The following USP34 variants were observed in gnomAD, a reference collection of about 807,000 sequenced individuals.
USP34 encodes the protein ubiquitin carboxyl-terminal hydrolase 34.
USP34 carries 70 observed loss-of-function variants against 460.3 expected under a neutral mutation model. That is an observed-to-expected ratio of 0.15 (90% CI 0.13 to 0.19). The LOEUF (loss-of-function observed/expected upper bound fraction) is 0.19. USP34 is among the 10% of genes least tolerant of loss of function. The pLI is 1.00. For synonymous variants in USP34, 1,647 were observed against 1,405.3 expected (o/e 1.17, Z -3.85); for missense variants, 3,985 against 4,236.2 (o/e 0.94, Z 1.65).
At chr2:61,270,528 C>T (rs1689180799) in intron 41 of USP34, among the ~76,000 whole-genome samples, 2 of 152,196 alleles carry the variant, frequency 1.3e-5, no homozygotes, top group African/African-American at 4.8e-5. Context: ...CTCCACCTCC[C>T]TGGTTCAAGG....
At chr2:61,213,239 T>G (rs931581530) in intron 68 of USP34, among the ~76,000 whole-genome samples, 1 of 152,190 alleles carries the variant, frequency 6.6e-6, no homozygotes, top group African/African-American at 2.4e-5. Flanking sequence ...GGTCTTGAAC[T>G]GCTGGGCTCG....
chr2:61,417,245 C>T, intron 2 of USP34: 1 of 1,354,828 alleles, frequency 7.4e-7, no homozygotes, highest in Non-Finnish European at 1.0e-6. Context: ...ATCTGAAAGG[C>T]CTGTCTCCAA....
intron 48 of USP34, chr2:61,250,167 A>G (rs1688537210): frequency 6.3e-6 from 1 of 158,222 alleles, no homozygotes; most frequent in African/African-American, 2.4e-5. Flanking sequence ...GGAGGGAGCC[A>G]AGATCACACC....
intron 78 of USP34, 43 bp downstream of exon 78, chr2:61,190,228 G>T (rs1362906357): frequency 1.9e-6 from 3 of 1,554,448 alleles, no homozygotes; most frequent in East Asian, 4.5e-5. Flanking sequence ...TTAACTGAAG[G>T]ACAGTTTAAA....
At chr2:61,456,589 G>C (rs566538504) in intron 1 of USP34, among the ~76,000 whole-genome samples, 1 of 152,238 alleles carries the variant, frequency 6.6e-6, no homozygotes, top group South Asian at 2.1e-4. Context: ...AGCCAAAGTA[G>C]GGAGATCACT....
chr2:61,257,358 TA>T lies in USP34; in HGVS notation c.5845-9del. 3 of 1,559,464 alleles carry T rather than the reference TA, an allele frequency of 1.9e-6. No homozygotes were observed. The highest frequency in any genetic ancestry group is 2.0e-5 in the Admixed American group (1 of 50,876). The stretch of plus-strand genomic sequence containing the variant: ...TGCTTTGCATTCACTCTCCTGCAAA[TA>T]AAAAGGGGAACATTCTAAGTGTCAG... On this transcript the variant is annotated splice_polypyrimidine_tract_variant and intron_variant, in intron 44 of 79. Transcript: ENST00000398571.
At chr2:61,223,995 C>T (rs185587438) in intron 62 of USP34, among the ~76,000 whole-genome samples, 88 of 152,302 alleles carry the variant, frequency 5.8e-4, no homozygotes, top group African/African-American at 2.0e-3. Flanking sequence ...GGCATTTTAT[C>T]ATTTAATCCA....
intron 57 of USP34, among the ~76,000 whole-genome samples, chr2:61,235,333 T>C (rs1688036672): frequency 6.7e-6 from 1 of 149,240 alleles, no homozygotes; most frequent in South Asian, 2.1e-4. Flanking sequence ...TTTTTCTTTT[T>C]TTTTTTTTTT....
chr2:61,328,806 T>C (rs1356122757), intron 20 of USP34, among the ~76,000 whole-genome samples: 1 of 152,218 alleles, frequency 6.6e-6, no homozygotes, highest in Non-Finnish European at 1.5e-5. Context: ...CGTTGGACTT[T>C]CTCTTTACGA....
At chr2:61,460,977 T>G (rs1573068004) in intron 1 of USP34, among the ~76,000 whole-genome samples, 1 of 137,414 alleles carries the variant, frequency 7.3e-6, no homozygotes, top group Non-Finnish European at 1.5e-5. Flanking sequence ...CGAGACTCCA[T>G]CTCAAAAAAA....
chr2:61,340,921 C>G (rs1037949610), intron 16 of USP34, among the ~76,000 whole-genome samples: 1 of 126,652 alleles, frequency 7.9e-6, no homozygotes, highest in South Asian at 2.4e-4. Context: ...ATAATTTTAT[C>G]GAAATACATA....
chr2:61,272,796 A>G (rs1254395413), intron 41 of USP34, among the ~76,000 whole-genome samples: 2 of 152,196 alleles, frequency 1.3e-5, no homozygotes, highest in Admixed American at 1.3e-4. Flanking sequence ...CTAACTTAAC[A>G]TTATTCTGAA....
intron 67 of USP34, among the ~76,000 whole-genome samples, chr2:61,215,303 G>A (rs1030682048): frequency 6.6e-6 from 1 of 152,048 alleles, no homozygotes; most frequent in Non-Finnish European, 1.5e-5. Context: ...AGAACTGGGT[G>A]TTAAATTGTA....
rs142279903 is a variant in USP34, at chr2:61,209,296, G to T, written c.8841-319C>A. Among the ~76,000 whole-genome samples the T allele has an allele frequency of 2.7e-3, 417 of 152,100 alleles. 1 individual carries two copies. Among genetic ancestry groups the T allele is most frequent in the African/African-American group, 9.3e-3 (388 of 41,506 alleles). ...CTCATCTTCTGATTGTTAAATTCTG[G>T]ATAATCATAAAATTCACCATATTAT... On this transcript the variant is annotated intron_variant, in intron 69 of 79. Transcript: ENST00000398571.
intron 41 of USP34, among the ~76,000 whole-genome samples, chr2:61,273,470 G>A (rs1257566010): frequency 6.6e-6 from 1 of 152,222 alleles, no homozygotes; most frequent in Non-Finnish European, 1.5e-5. Context: ...TGTAATCCCA[G>A]CACTTTGGGA....
At chr2:61,327,219 T>C (rs1691123653) in intron 20 of USP34, among the ~76,000 whole-genome samples, 4 of 152,230 alleles carry the variant, frequency 2.6e-5, no homozygotes, top group Non-Finnish European at 5.9e-5. Flanking sequence ...AAGACTGAGT[T>C]CACTGGACAT....
At chr2:61,413,802 A>T (rs1047743300) in intron 2 of USP34, among the ~76,000 whole-genome samples, 4 of 141,654 alleles carry the variant, frequency 2.8e-5, no homozygotes, top group East Asian at 4.1e-4. Flanking sequence ...ACATGGGGAA[A>T]CCCCGTCTCT....
chr2:61,355,960 T>C (rs1398939444), intron 10 of USP34, among the ~76,000 whole-genome samples: 1 of 152,138 alleles, frequency 6.6e-6, no homozygotes, highest in African/African-American at 2.4e-5. Flanking sequence ...TTGGCTATAC[T>C]AACATCAAAT....
In USP34 at chr2:61,470,646, T is replaced by G. The variant is rs767445885; in HGVS notation, c.43+4A>C. On this transcript the variant is annotated splice_donor_region_variant and intron_variant, in intron 1 of 79. Transcript: ENST00000398571. ...CCCGACAGGCCGCTACCGCGGCTAC[T>G]TACTTTCATTTAACACCTCCACCAG... 6.3e-7 allele frequency: 1 copy of G among 1,591,758 alleles called. No individual in the cohort carries two copies. The highest frequency in any genetic ancestry group is 8.6e-7 in the Non-Finnish European group (1 of 1,167,730).
Sources: allele counts gnomAD v4.1 joint callset (sites outside exome capture counted in the v4.1 genomes callset), GRCh38; gene constraint gnomAD v4.1.1; transcripts MANE v1.5; gene names NCBI Gene and HGNC (gene_info 2026-07-23, HGNC 2026-07-21).